The following PBX3 variants were observed in gnomAD, a reference collection of about 807,000 sequenced individuals.
PBX3 encodes PBX homeobox 3.
Under a neutral mutation model 48.5 loss-of-function variants are expected in PBX3, and 14 were observed. The observed-to-expected ratio is 0.29, with a 90% CI of 0.19 to 0.45. The LOEUF (loss-of-function observed/expected upper bound fraction) is 0.45, where lower values mean the gene tolerates loss of function less well. Among genes scored for constraint, PBX3 ranks in the 20% least tolerant of loss-of-function variants. PBX3 has a pLI of 1.00. For synonymous variants in PBX3, 210 were observed against 200.3 expected (o/e 1.05, Z -0.41); for missense variants, 386 against 546.7 (o/e 0.71, Z 2.93).
chr9:125,862,092 A>G (rs933174496), intron 2 of PBX3, among the ~76,000 whole-genome samples: 11 of 152,246 alleles, frequency 7.2e-5, no homozygotes, highest in Non-Finnish European at 1.5e-4. Context: ...GATGCCTTTT[A>G]CAGACAATGG....
intron 2 of PBX3, among the ~76,000 whole-genome samples, chr9:125,789,022 C>T (rs2132056974): frequency 6.6e-6 from 1 of 152,194 alleles, no homozygotes; most frequent in African/African-American, 2.4e-5. Context: ...AAGATTGTTT[C>T]ATACTGTTGT....
At chr9:125,766,262 C>T (rs1011559830) in intron 2 of PBX3, among the ~76,000 whole-genome samples, 1 of 151,962 alleles carries the variant, frequency 6.6e-6, no homozygotes, top group Admixed American at 6.6e-5. Flanking sequence ...ATTTTAATTA[C>T]AGTAACTATA....
At chr9:125,792,123 CTT>C in intron 2 of PBX3, among the ~76,000 whole-genome samples, 1 of 151,984 alleles carries the variant, frequency 6.6e-6, no homozygotes, top group East Asian at 1.9e-4. Context: ...TCTGTAGACT[CTT>C]ATACTAGAAT....
intron 2 of PBX3, among the ~76,000 whole-genome samples, chr9:125,789,401 TGGG>T (rs1186028867): frequency 6.6e-6 from 1 of 152,164 alleles, no homozygotes; most frequent in East Asian, 1.9e-4. Flanking sequence ...GAGAGTCACT[TGGG>T]GGAGGGTTTG....
At chr9:125,950,155 G>A (rs1048297375) in intron 5 of PBX3, among the ~76,000 whole-genome samples, 1 of 152,198 alleles carries the variant, frequency 6.6e-6, no homozygotes, top group Non-Finnish European at 1.5e-5. Flanking sequence ...GAGCTGAACA[G>A]TGTCATCCAT....
intron 2 of PBX3, among the ~76,000 whole-genome samples, chr9:125,804,917 A>AGATCAGGCCGAGATCAT (rs879326095): frequency 6.8e-6 from 1 of 147,048 alleles, no homozygotes. Flanking sequence ...ACTGCACTCC[A>AGATCAGGCCGAGATCAT]GCCTGGGTGA....
chr9:125,850,127 G>C (rs1839538932), intron 2 of PBX3, among the ~76,000 whole-genome samples: 1 of 151,922 alleles, frequency 6.6e-6, no homozygotes, highest in African/African-American at 2.4e-5. Flanking sequence ...GATAATTAAT[G>C]CTACAGGAGG....
At chr9:125,960,095 ATTAC>A (rs142972417) in intron 5 of PBX3, among the ~76,000 whole-genome samples, 6,115 of 152,314 alleles carry the variant, frequency 0.04, 432 homozygotes, top group African/African-American at 0.14. Flanking sequence ...CCTGGTTGGA[ATTAC>A]TTGAGTTTTC....
At chr9:125,787,799 A>G (rs1837497096) in intron 2 of PBX3, among the ~76,000 whole-genome samples, 2 of 152,222 alleles carry the variant, frequency 1.3e-5, no homozygotes, top group African/African-American at 4.8e-5. Flanking sequence ...GCGGAGTAAA[A>G]GACTGTTATC....
At chr9:125,794,700 G>GTTT (rs367765267) in intron 2 of PBX3, among the ~76,000 whole-genome samples, 18 of 143,274 alleles carry the variant, frequency 1.3e-4, no homozygotes, top group African/African-American at 3.9e-4. Context: ...ACTCATGGCT[G>GTTT]TTTTTTTTTT....
intron 6 of PBX3, among the ~76,000 whole-genome samples, 187 bp downstream of exon 6, chr9:125,961,036 T>C (rs916088604): frequency 2.6e-5 from 4 of 152,234 alleles, no homozygotes; most frequent in African/African-American, 4.8e-5. Flanking sequence ...GTAAACCCAC[T>C]CTTCACAGTG....
At chr9:125,794,734 TAAAAC>T (rs1463852926) in intron 2 of PBX3, among the ~76,000 whole-genome samples, 1 of 146,498 alleles carries the variant, frequency 6.8e-6, no homozygotes, top group African/African-American at 2.5e-5. Context: ...CATAAGTTAA[TAAAAC>T]AAATAAAAAC....
chr9:125,812,920 A>T (rs1311375156), intron 2 of PBX3, among the ~76,000 whole-genome samples: 1 of 152,222 alleles, frequency 6.6e-6, no homozygotes, highest in African/African-American at 2.4e-5. Context: ...TGTATAGGGC[A>T]CTTACCATGA....
chr9:125,844,868 G>A, intron 2 of PBX3: 1 of 152,098 alleles, frequency 6.6e-6, no homozygotes, highest in East Asian at 1.9e-4. Flanking sequence ...ATCCCCTGGA[G>A]CTGTACCATT....
chr9:125,832,321 G>T (rs1232657559), intron 2 of PBX3, among the ~76,000 whole-genome samples: 2 of 151,664 alleles, frequency 1.3e-5, no homozygotes, highest in Admixed American at 6.6e-5. Context: ...TCAGCCTCCC[G>T]AGTAGCTGGG....
Position 125,820,051 on chromosome 9 carries a change from T to C in PBX3, c.274+71428T>C, listed in dbSNP as rs146751675. 1.1e-4 allele frequency among the ~76,000 whole-genome samples: 17 copies of C among 152,360 alleles called. No individual in the cohort carries two copies. The East Asian group carries it at 3.3e-3, about 29-fold the overall frequency. ...TGTTTCTTTCACCTGGATCTCCTAG[T>C]ACCTATAAATGGGTGCATGAAAACG... On this transcript the variant is annotated intron_variant, in intron 2 of 8. Transcript: ENST00000373489.
intron 2 of PBX3, among the ~76,000 whole-genome samples, chr9:125,800,882 A>T (rs1191549834): frequency 1.3e-5 from 2 of 151,180 alleles, no homozygotes; most frequent in African/African-American, 4.9e-5. Context: ...TGTCTCCAGT[A>T]ACTGGGATTA....
At chr9:125,870,495 CAAAA>C (rs944973130) in intron 2 of PBX3, among the ~76,000 whole-genome samples, 13 of 150,790 alleles carry the variant, frequency 8.6e-5, no homozygotes, top group Admixed American at 1.3e-4. Context: ...AACAAACAAA[CAAAA>C]AAACCCCATC....
intron 4 of PBX3, among the ~76,000 whole-genome samples, chr9:125,933,105 C>T (rs936507500): frequency 6.6e-6 from 1 of 152,234 alleles, no homozygotes; most frequent in Non-Finnish European, 1.5e-5. Flanking sequence ...TCTCCTGTGC[C>T]TTCAAGTGAA....
Sources: gnomAD v4.1 joint callset for allele counts (sites outside exome capture counted in the v4.1 genomes callset) on GRCh38, gnomAD v4.1.1 for gene constraint, MANE v1.5 for transcripts, NCBI Gene and HGNC (gene_info 2026-07-23, HGNC 2026-07-21) for gene names.